The following EEF1AKMT1 variants were observed in gnomAD, a reference collection of about 807,000 sequenced individuals.
EEF1AKMT1 encodes EEF1A lysine methyltransferase 1.
In EEF1AKMT1, 18 loss-of-function variants were observed where a neutral mutation model predicts 21.0. That is an observed-to-expected ratio of 0.86 (90% CI 0.59 to 1.27). EEF1AKMT1 has a LOEUF of 1.27. Ranked by LOEUF, EEF1AKMT1 falls within the 50% of genes most tolerant of loss-of-function variation. EEF1AKMT1 has a pLI of 0.00. For missense variants in EEF1AKMT1, 246 were observed against 258.6 expected (o/e 0.95, Z 0.33); for synonymous variants, 109 against 94.8 (o/e 1.15, Z -0.87).
At chr13:20,736,462 A>C (rs546883089) in intron 3 of EEF1AKMT1, among the ~76,000 whole-genome samples, 27 of 152,238 alleles carry the variant, frequency 1.8e-4, no homozygotes, top group African/African-American at 6.5e-4. Flanking sequence ...TAAACTAAGG[A>C]TCGGAGTACA....
chr13:20,760,729 A>T (rs2058997338), intron 1 of EEF1AKMT1, among the ~76,000 whole-genome samples: 1 of 152,154 alleles, frequency 6.6e-6, no homozygotes, highest in Non-Finnish European at 1.5e-5. Context: ...TACTCTAAAA[A>T]ATTAAAAAGA....
intron 2 of EEF1AKMT1, among the ~76,000 whole-genome samples, chr13:20,755,089 G>A (rs935382899): frequency 1.7e-4 from 26 of 150,624 alleles, no homozygotes; most frequent in Non-Finnish European, 8.8e-5. Flanking sequence ...TGCACACTTT[G>A]GCTCTAGTCA....
intron 2 of EEF1AKMT1, among the ~76,000 whole-genome samples, chr13:20,738,669 T>A (rs1268825815): frequency 6.6e-6 from 1 of 152,220 alleles, no homozygotes; most frequent in Non-Finnish European, 1.5e-5. Context: ...AACAGGGTAC[T>A]GATATATGCT....
Position 20,763,457 on chromosome 13 carries a change from GTT to G in EEF1AKMT1, c.-19-5842_-19-5841del, listed in dbSNP as rs532225725. ...CTAGCATTTAAGGCCCGAAATTTTT[GTT>G]TTTTTTTTTTGAAACAGAATTTTGC... is the stretch of plus-strand genomic sequence containing the variant. On this transcript the variant is annotated intron_variant, in intron 1 of 4. Coordinates refer to ENST00000382758, the MANE Select transcript of EEF1AKMT1 (RefSeq NM_001318939.2). Among the ~76,000 whole-genome samples the G allele has an allele frequency of 8.2e-4, 117 of 142,024 alleles. 1 individual carries two copies. Among genetic ancestry groups the G allele is most frequent in the African/African-American group, 2.9e-3 (115 of 38,998 alleles). 93.2% of individuals were successfully genotyped at this position (142,024 alleles called of 152,430 possible).
intron 1 of EEF1AKMT1, among the ~76,000 whole-genome samples, chr13:20,762,809 C>T (rs9579945): frequency 0.093 from 14,139 of 152,152 alleles, 806 homozygotes; most frequent in Non-Finnish European, 0.13. Context: ...TCACTACACC[C>T]AGGGTGTAGA....
intron 2 of EEF1AKMT1, among the ~76,000 whole-genome samples, chr13:20,738,637 ATAT>A (rs2058842450): frequency 2.6e-5 from 4 of 152,200 alleles, no homozygotes; most frequent in South Asian, 4.1e-4. Flanking sequence ...CTACAATGAA[ATAT>A]TATTTGGCCA....
chr13:20,757,374 GAGAC>G, intron 2 of EEF1AKMT1, 77 bp downstream of exon 2: 2 of 1,510,912 alleles, frequency 1.3e-6, no homozygotes, highest in Non-Finnish European at 9.0e-7. Flanking sequence ...GGTTTTAGGT[GAGAC>G]AGACAAACAC....
chr13:20,763,663 G>A (rs542257274), intron 1 of EEF1AKMT1, among the ~76,000 whole-genome samples: 2 of 152,180 alleles, frequency 1.3e-5, no homozygotes, highest in South Asian at 4.1e-4. Flanking sequence ...ATGTTGGCCA[G>A]GCCAGTCTCA....
intron 4 of EEF1AKMT1, among the ~76,000 whole-genome samples, chr13:20,730,603 G>A (rs903708308): frequency 2.0e-5 from 3 of 152,200 alleles, no homozygotes; most frequent in Non-Finnish European, 4.4e-5. Context: ...CAGAGATCAA[G>A]CAATCATCCC....
At chr13:20,772,558 G>C (rs917112402) in intron 1 of EEF1AKMT1, among the ~76,000 whole-genome samples, 1 of 152,134 alleles carries the variant, frequency 6.6e-6, no homozygotes, top group African/African-American at 2.4e-5. Context: ...GACACATGGC[G>C]AACACCAACG....
chr13:20,757,055 C>A (rs904048193), intron 2 of EEF1AKMT1, among the ~76,000 whole-genome samples: 2 of 152,186 alleles, frequency 1.3e-5, no homozygotes, highest in African/African-American at 4.8e-5. Flanking sequence ...AACTTGGGAA[C>A]CGCCGAACGT....
intron 2 of EEF1AKMT1, 89 bp from the exon 3 acceptor site, chr13:20,737,894 T>A: frequency 1.2e-6 from 1 of 836,086 alleles, no homozygotes; most frequent in Non-Finnish European, 1.8e-6. Flanking sequence ...AGTGGACAGA[T>A]ATTTTGTTCT....
rs534089063 is a variant in EEF1AKMT1, at chr13:20,755,631, A to G, written c.144+1824T>C. Among the ~76,000 whole-genome samples the G allele has an allele frequency of 1.1e-4, 16 of 152,316 alleles. No individual in the cohort carries two copies. The South Asian group carries it at 3.1e-3, about 30-fold the overall frequency. The stretch of plus-strand genomic sequence containing the variant: ...TGTCACTTCCCTGTTGAATTCCAGC[A>G]TTCTCTCTAAGGTAGTCTATTTGAA... On this transcript the variant is annotated intron_variant, in intron 2 of 4. Transcript: ENST00000382758.
chr13:20,750,424 G>A (rs976288831), intron 2 of EEF1AKMT1, among the ~76,000 whole-genome samples: 3 of 151,626 alleles, frequency 2.0e-5, no homozygotes, highest in Admixed American at 6.6e-5. Flanking sequence ...TTTAGCCTTC[G>A]CATATAAGAA....
At chr13:20,771,732 C>T (rs933048053) in intron 1 of EEF1AKMT1, among the ~76,000 whole-genome samples, 4 of 152,080 alleles carry the variant, frequency 2.6e-5, no homozygotes, top group African/African-American at 7.2e-5. Context: ...ATGAAATGGC[C>T]GGGAGTGGTG....
At chr13:20,771,599 T>C (rs559135737) in intron 1 of EEF1AKMT1, among the ~76,000 whole-genome samples, 9 of 152,292 alleles carry the variant, frequency 5.9e-5, no homozygotes, top group South Asian at 4.1e-4. Flanking sequence ...ATGGAGAGCA[T>C]AGGGGGCTGC....
chr13:20,743,161 A>G (rs528472354), intron 2 of EEF1AKMT1, among the ~76,000 whole-genome samples: 22 of 151,880 alleles, frequency 1.4e-4, no homozygotes, highest in African/African-American at 4.8e-4. Flanking sequence ...CCACCTCCGA[A>G]ATTGAAGCGA....
At chr13:20,748,712 G>GTGGGTTTTT (rs2058922188) in intron 2 of EEF1AKMT1, among the ~76,000 whole-genome samples, 1 of 116,516 alleles carries the variant, frequency 8.6e-6, no homozygotes, top group Admixed American at 9.5e-5. Flanking sequence ...CTAATGTATA[G>GTGGGTTTTT]TTGTTTTTTT....
chr13:20,759,722 A>C (rs1382301247), intron 1 of EEF1AKMT1, among the ~76,000 whole-genome samples: 1 of 152,252 alleles, frequency 6.6e-6, no homozygotes, highest in Non-Finnish European at 1.5e-5. Context: ...ACATGAAAAA[A>C]TGCTCAGCAT....
Sources: gnomAD v4.1 joint callset for allele counts (sites outside exome capture counted in the v4.1 genomes callset) on GRCh38, gnomAD v4.1.1 for gene constraint, MANE v1.5 for transcripts, NCBI Gene and HGNC (gene_info 2026-07-23, HGNC 2026-07-21) for gene names.